RIMS4: variants seen among roughly 807,000 people sequenced by gnomAD.
RIMS4 encodes the protein regulating synaptic membrane exocytosis protein 4.
RIMS4 carries 9 observed loss-of-function variants against 29.0 expected under a neutral mutation model. The observed-to-expected ratio is 0.31, with a 90% confidence interval of 0.19 to 0.54. The LOEUF is 0.54. Among genes scored for constraint, RIMS4 ranks in the 20% least tolerant of loss-of-function variants. The pLI is 0.94. For synonymous variants in RIMS4, 130 were observed against 152.9 expected (o/e 0.85, Z 1.10); for missense variants, 193 against 365.7 (o/e 0.53, Z 3.85).
intron 2 of RIMS4, among the ~76,000 whole-genome samples, chr20:44,765,983 G>A (rs1355855828): frequency 6.6e-6 from 1 of 152,216 alleles, no homozygotes; most frequent in East Asian, 1.9e-4. Context: ...AATGTGCAGA[G>A]CACCAACTGT....
At chr20:44,763,761 A>G (rs776203954) in intron 2 of RIMS4, among the ~76,000 whole-genome samples, 9 of 152,202 alleles carry the variant, frequency 5.9e-5, no homozygotes, top group Admixed American at 2.6e-4. Flanking sequence ...TGTGTTCTTG[A>G]TGGTGAAAGA....
At chr20:44,762,867 G>A (rs2066092290) in intron 2 of RIMS4, among the ~76,000 whole-genome samples, 1 of 152,210 alleles carries the variant, frequency 6.6e-6, no homozygotes, top group Non-Finnish European at 1.5e-5. Context: ...CTAGCCAACT[G>A]CTTGCTGTGT....
intron 2 of RIMS4, among the ~76,000 whole-genome samples, chr20:44,770,670 A>G (rs2066133063): frequency 6.6e-6 from 1 of 152,098 alleles, no homozygotes; most frequent in Non-Finnish European, 1.5e-5. Context: ...CGTGATTCTG[A>G]CGCGGAGCCC....
intron 1 of RIMS4, among the ~76,000 whole-genome samples, chr20:44,807,619 A>C (rs531086387): frequency 6.6e-6 from 1 of 152,334 alleles, no homozygotes; most frequent in African/African-American, 2.4e-5. Context: ...GCCTGTGTCC[A>C]GTATGGGAGA....
chr20:44,772,386 T>C (rs1270900179), intron 1 of RIMS4, among the ~76,000 whole-genome samples: 4 of 152,190 alleles, frequency 2.6e-5, no homozygotes, highest in Non-Finnish European at 5.9e-5. Context: ...ACAGGGAATT[T>C]TGTTCACTCT....
At chr20:44,790,467 C>T (rs2145470618) in intron 1 of RIMS4, among the ~76,000 whole-genome samples, 1 of 152,352 alleles carries the variant, frequency 6.6e-6, no homozygotes, top group East Asian at 1.9e-4. Flanking sequence ...TTCCAGGAAG[C>T]CTCCCCTGAT....
At position 44,771,177 on chromosome 20, in the gene RIMS4, G is replaced by A. The variant is rs376182645; in HGVS notation, c.236+98C>T. ...CCCTGAGCTGGCGCTTTCACAGCCT[G>A]GAGCTGCCCTAGGGCTCCCAGAGGG... is the stretch of plus-strand genomic sequence containing the variant. On this transcript the variant is annotated intron_variant, in intron 2 of 5. Coordinates refer to ENST00000372851, the MANE Select transcript of RIMS4 (RefSeq NM_182970.4). The A allele has an allele frequency of 4.7e-4, 661 of 1,402,954 alleles. 13 individuals carry two copies. In the South Asian group the frequency reaches 9.2e-3, roughly 20 times the overall value. The allele number at this position is 1,402,954 out of a possible 1,614,324, so 86.9% of individuals were successfully genotyped here.
chr20:44,808,657 C>T (rs191755009), intron 1 of RIMS4, among the ~76,000 whole-genome samples: 1 of 152,314 alleles, frequency 6.6e-6, no homozygotes, highest in African/African-American at 2.4e-5. Context: ...CAGTAATCAT[C>T]TTTACCCTTA....
intron 1 of RIMS4, among the ~76,000 whole-genome samples, chr20:44,785,960 C>T (rs112154044): frequency 3.3e-4 from 50 of 152,192 alleles, no homozygotes; most frequent in African/African-American, 1.1e-3. Context: ...GCCAGATGTC[C>T]GCCTACCCCA....
chr20:44,769,046 A>G lies in RIMS4; in HGVS notation c.236+2229T>C, dbSNP rs2066125803. ...TGAAGAAACTGGGCTCAGAGAGGTG[A>G]AGTAACTTCCCCAAAGCCACACAGC... On this transcript the variant is annotated intron_variant, in intron 2 of 5. Coordinates refer to ENST00000372851, the MANE Select transcript of RIMS4 (RefSeq NM_182970.4). 1.3e-5 allele frequency among the ~76,000 whole-genome samples: 2 copies of G among 152,278 alleles called. 1 individual carries two copies. Among genetic ancestry groups the G allele is most frequent in the South Asian group, 4.1e-4 (2 of 4,830 alleles).
intron 1 of RIMS4, among the ~76,000 whole-genome samples, chr20:44,798,565 T>G (rs2066264520): frequency 6.6e-6 from 1 of 152,184 alleles, no homozygotes; most frequent in Admixed American, 6.6e-5. Context: ...TCCCCCATGC[T>G]AAGCAGGTCC....
intron 1 of RIMS4, among the ~76,000 whole-genome samples, chr20:44,808,808 C>T (rs924416717): frequency 3.9e-5 from 6 of 152,174 alleles, no homozygotes; most frequent in African/African-American, 1.4e-4. Flanking sequence ...CATGATGGAA[C>T]CTTGGTGGCC....
intron 2 of RIMS4, among the ~76,000 whole-genome samples, chr20:44,769,221 G>A (rs1315597776): frequency 6.6e-6 from 1 of 152,140 alleles, no homozygotes; most frequent in African/African-American, 2.4e-5. Flanking sequence ...ATCACCTGCA[G>A]GCATCACCTC....
rs766944597 is a variant in RIMS4 at position 44,758,086 on chromosome 20, G to A, written c.335C>T (p.Ala112Val). The change falls in exon 3 of 6, where the codon GCC (alanine) becomes GTC (valine). Residue 112 changes from alanine to valine, a missense_variant. Physicochemically the swap from Ala to Val is moderately conservative, Grantham distance 64 (BLOSUM62 0). Coordinates refer to ENST00000372851, the MANE Select transcript of RIMS4 (RefSeq NM_182970.4). ...GGGGCACTCACCCATGGGTGTGGTGGCCAGGGTCTGGCGGCCCACAAACTG... is the reference window on the plus strand; with the variant it reads ...GGGGCACTCACCCATGGGTGTGGTGACCAGGGTCTGGCGGCCCACAAACTG... ...PAQFVGRQTLATTPMGDVEIG... is the reference protein window; with the variant it reads ...PAQFVGRQTLVTTPMGDVEIG... The A allele has an allele frequency of 5.0e-6, 8 of 1,610,140 alleles. No homozygotes were observed. Among genetic ancestry groups the A allele is most frequent in the Non-Finnish European group, 6.8e-6 (8 of 1,177,554 alleles).
intron 2 of RIMS4, among the ~76,000 whole-genome samples, chr20:44,770,374 T>C (rs1178694524): frequency 3.9e-5 from 6 of 152,150 alleles, no homozygotes; most frequent in East Asian, 3.8e-4. Context: ...TGGATGGTTT[T>C]AGGGGACTCT....
chr20:44,764,011 T>TATCC (rs765164955), intron 2 of RIMS4, among the ~76,000 whole-genome samples: 1 of 128,866 alleles, frequency 7.8e-6, no homozygotes, highest in African/African-American at 3.0e-5. Flanking sequence ...TCCATCCATT[T>TATCC]ATCCATCCAT....
intron 1 of RIMS4, among the ~76,000 whole-genome samples, chr20:44,795,686 C>T (rs2066251996): frequency 6.6e-6 from 1 of 151,496 alleles, no homozygotes; most frequent in Non-Finnish European, 1.5e-5. Context: ...AGTTTTGGGG[C>T]TCGAATGAGT....
chr20:44,806,430 C>G (rs1000275574), intron 1 of RIMS4, among the ~76,000 whole-genome samples: 9 of 152,166 alleles, frequency 5.9e-5, no homozygotes, highest in Non-Finnish European at 1.3e-4. Flanking sequence ...GAAATCCTCC[C>G]CACCCTCTTG....
chr20:44,792,259 G>C (rs752366432), intron 1 of RIMS4, among the ~76,000 whole-genome samples: 1 of 152,068 alleles, frequency 6.6e-6, no homozygotes, highest in East Asian at 1.9e-4. Flanking sequence ...ACAGACTCGA[G>C]TGTCAGGCAG....
Sources: allele counts gnomAD v4.1 joint callset (sites outside exome capture counted in the v4.1 genomes callset), GRCh38; gene constraint gnomAD v4.1.1; transcripts MANE v1.5; gene names NCBI Gene and HGNC (gene_info 2026-07-23, HGNC 2026-07-21).